The following CDH7 variants were observed in gnomAD, a reference collection of about 807,000 sequenced individuals.
The protein encoded by CDH7 is cadherin 7, also known as cadherin-7.
In CDH7, 25 loss-of-function variants were observed where a neutral mutation model predicts 71.8. The ratio of observed to expected loss-of-function variants is 0.35; its 90% confidence interval spans 0.25 to 0.49. The LOEUF (loss-of-function observed/expected upper bound fraction) is 0.49, where lower values mean the gene tolerates loss of function less well. Ranked by LOEUF, CDH7 falls within the 20% of genes least tolerant of loss-of-function variation. The pLI is 0.99. For missense variants in CDH7, 862 were observed against 974.6 expected, an observed-to-expected ratio of 0.88 and a Z score of 1.54; for synonymous variants, 381 against 363.8, an observed-to-expected ratio of 1.05 and a Z score of -0.54.
intron 2 of CDH7, among the ~76,000 whole-genome samples, chr18:65,768,935 C>G (rs941835498): frequency 7.9e-5 from 12 of 151,792 alleles, no homozygotes; most frequent in African/African-American, 2.9e-4. Context: ...CTTCTTTTCT[C>G]TCTCCTTTTT....
intron 11 of CDH7, among the ~76,000 whole-genome samples, chr18:65,872,281 G>T (rs1204312610): frequency 6.6e-6 from 1 of 152,078 alleles, no homozygotes; most frequent in Non-Finnish European, 1.5e-5. Context: ...TGGTCCCTGG[G>T]AAATAGCAGG....
intron 11 of CDH7, among the ~76,000 whole-genome samples, chr18:65,872,795 T>A (rs1913966133): frequency 6.6e-6 from 1 of 151,954 alleles, no homozygotes; most frequent in South Asian, 2.1e-4. Context: ...CTCGGGAAGC[T>A]GAGGCAGGAG....
chr18:65,826,034 A>C (rs1381932132), intron 6 of CDH7, among the ~76,000 whole-genome samples: 2 of 151,622 alleles, frequency 1.3e-5, no homozygotes, highest in African/African-American at 4.8e-5. Flanking sequence ...TAATGAAGGC[A>C]GCATGAATCT....
chr18:65,879,751 C>A lies in CDH7; in HGVS notation c.1865-650C>A, dbSNP rs374574409. Among the ~76,000 whole-genome samples, 5 of 152,246 alleles carry A rather than the reference C, an allele frequency of 3.3e-5. No homozygotes were observed. The South Asian group carries it at 1.0e-3, about 32-fold the overall frequency. ...GGGGTGATTCATTTCTTAAATTTAT[C>A]TTTGAGAGTTGCTGAAAATCTCACA... On this transcript the variant is annotated intron_variant, in intron 11 of 11. Transcript: ENST00000397968.
At chr18:65,820,763 C>T (rs1007337603) in intron 4 of CDH7, among the ~76,000 whole-genome samples, 1 of 152,058 alleles carries the variant, frequency 6.6e-6, no homozygotes, top group Non-Finnish European at 1.5e-5. Flanking sequence ...CTTTGACTAC[C>T]AGACTTCTAT....
chr18:65,760,453 A>G (rs983902960), intron 1 of CDH7, among the ~76,000 whole-genome samples: 11 of 152,192 alleles, frequency 7.2e-5, no homozygotes, highest in Non-Finnish European at 1.5e-4. Context: ...AGTTGGATGT[A>G]TTGTCACTCT....
intron 6 of CDH7, among the ~76,000 whole-genome samples, chr18:65,827,830 A>T (rs565047374): frequency 2.0e-5 from 3 of 151,904 alleles, no homozygotes; most frequent in Admixed American, 2.0e-4. Flanking sequence ...TCATGATAGG[A>T]TGCATGGGTG....
chr18:65,780,184 A>C (rs1219201064), intron 2 of CDH7, among the ~76,000 whole-genome samples: 3 of 113,120 alleles, frequency 2.7e-5, no homozygotes, highest in Non-Finnish European at 3.5e-5. Flanking sequence ...GTTTGAGTTC[A>C]TTGTAGATTC....
At chr18:65,811,971 T>C (rs1377316849) in intron 3 of CDH7, among the ~76,000 whole-genome samples, 4 of 130,264 alleles carry the variant, frequency 3.1e-5, no homozygotes, top group Admixed American at 1.5e-4. Context: ...CTTTTCTTTT[T>C]TTTTTTTTTT....
chr18:65,762,700 C>A lies in CDH7; in HGVS notation c.-143C>A. Reference sequence around the variant, plus strand: ...GCTATTCAGCAGTGGTGACCTCTTCCAATCCAACACTCTACAGATTATTAT... The same window carrying A: ...GCTATTCAGCAGTGGTGACCTCTTCAAATCCAACACTCTACAGATTATTAT... On this transcript the variant is annotated 5_prime_UTR_variant, in exon 2 of 12. Transcript: ENST00000397968. 1.6e-6 allele frequency: 1 copy of A among 642,300 alleles called. No homozygotes were observed. The highest frequency in any genetic ancestry group is 2.7e-6 in the Non-Finnish European group (1 of 376,168). 39.8% of individuals were successfully genotyped at this position (642,300 alleles called of 1,614,324 possible).
At chr18:65,811,875 C>G (rs1911550014) in intron 3 of CDH7, among the ~76,000 whole-genome samples, 1 of 151,204 alleles carries the variant, frequency 6.6e-6, no homozygotes, top group South Asian at 2.1e-4. Flanking sequence ...ATTATGCACA[C>G]TTGAATAATG....
intron 10 of CDH7, among the ~76,000 whole-genome samples, chr18:65,861,329 GTGTGTGTGTT>G (rs369017816): frequency 0.41 from 20,487 of 50,208 alleles, 2,978 homozygotes; most frequent in African/African-American, 0.46. Flanking sequence ...TTCACCGTGT[GTGTGTGTGTT>G]TGTGTGTGTG....
At chr18:65,860,150 T>C (rs983222592) in intron 10 of CDH7, among the ~76,000 whole-genome samples, 1 of 152,140 alleles carries the variant, frequency 6.6e-6, no homozygotes, top group African/African-American at 2.4e-5. Context: ...AATACCCTAA[T>C]AAGTACTATG....
chr18:65,814,153 AT>A (rs1425179408), intron 3 of CDH7, among the ~76,000 whole-genome samples: 1 of 152,096 alleles, frequency 6.6e-6, no homozygotes, highest in Non-Finnish European at 1.5e-5. Flanking sequence ...TGATGAAAAT[AT>A]ATTACCTGAG....
chr18:65,780,739 G>A (rs1910149681), intron 2 of CDH7, among the ~76,000 whole-genome samples: 1 of 151,654 alleles, frequency 6.6e-6, no homozygotes, highest in African/African-American at 2.4e-5. Flanking sequence ...CAGGTAGTGT[G>A]ATGCCTCCAG....
At chr18:65,786,190 G>T (rs1910506824) in intron 2 of CDH7, among the ~76,000 whole-genome samples, 1 of 151,842 alleles carries the variant, frequency 6.6e-6, no homozygotes, top group Admixed American at 6.6e-5. Flanking sequence ...TTATATCAGG[G>T]AGATCAATGA....
Position 65,884,958 on chromosome 18 carries a change from G to A in CDH7, c.*4064G>A, listed in dbSNP as rs559483738. On this transcript the variant is annotated 3_prime_UTR_variant, in exon 12 of 12. Transcript: ENST00000397968. ...CTCTTTCTGGTCCACGATGCCTGGAGGCAAGTGAAATATATATGACAAATA... is the reference window on the plus strand; with the variant it reads ...CTCTTTCTGGTCCACGATGCCTGGAAGCAAGTGAAATATATATGACAAATA... 2 of 152,230 alleles carry A rather than the reference G, an allele frequency of 1.3e-5. No homozygotes were observed. The highest frequency in any genetic ancestry group is 3.9e-4 in the East Asian group (2 of 5,184). 9.4% of individuals were successfully genotyped at this position (152,230 alleles called of 1,614,324 possible).
chr18:65,772,715 A>C (rs938268235), intron 2 of CDH7, among the ~76,000 whole-genome samples: 4 of 152,172 alleles, frequency 2.6e-5, no homozygotes, highest in African/African-American at 9.6e-5. Context: ...TGATTTTTAC[A>C]AGTTTAATAT....
chr18:65,770,239 G>A lies in CDH7; in HGVS notation c.210+7187G>A, dbSNP rs72937955. Among the ~76,000 whole-genome samples the A allele has an allele frequency of 2.9e-3, 442 of 152,180 alleles. 1 individual carries two copies. Among genetic ancestry groups the A allele is most frequent in the Non-Finnish European group, 4.6e-3 (313 of 67,984 alleles). On this transcript the variant is annotated intron_variant, in intron 2 of 11. Transcript: ENST00000397968. ...TATTTTTTTTCTGAACCATGCAATA[G>A]TATTCTTTATAGTCCAAAATTGCAA...
Sources: gnomAD v4.1 joint callset for allele counts (sites outside exome capture counted in the v4.1 genomes callset) on GRCh38, gnomAD v4.1.1 for gene constraint, MANE v1.5 for transcripts, NCBI Gene and HGNC (gene_info 2026-07-23, HGNC 2026-07-21) for gene names.